Variants in KIR2DL1 observed in about 807,000 individuals in gnomAD.
KIR2DL1 encodes the protein killer cell immunoglobulin-like receptor 2DL1.
Under a neutral mutation model 33.9 loss-of-function variants are expected in KIR2DL1, and 38 were observed. The observed-to-expected ratio is 1.12, with a 90% CI of 0.86 to 1.47. The LOEUF (loss-of-function observed/expected upper bound fraction) is 1.47. Ranked by LOEUF, KIR2DL1 falls within the 40% of genes most tolerant of loss-of-function variation. The probability of loss-of-function intolerance (pLI) is 0.00; values close to 1 mark genes in which losing one functional copy is unlikely to be tolerated. For missense variants in KIR2DL1, 531 were observed against 433.9 expected (o/e 1.22, Z -1.99); for synonymous variants, 179 against 165.9 (o/e 1.08, Z -0.61).
chr19:54,773,352 C>G lies in KIR2DL1; in HGVS notation c.90C>G (p.Ser30=), dbSNP rs766031281. 1 of 1,598,782 alleles carries G rather than the reference C, an allele frequency of 6.3e-7. No individual in the cohort carries two copies. The highest frequency in any genetic ancestry group is 1.7e-5 in the Admixed American group (1 of 58,870). ...WPHEGVHRKP[S]LLAHPGRLVK... ...TCCTAGGAGTCCACAGAAAACCTTC[C>G]CTCCTGGCCCACCCAGGTCGCCTGG... is the stretch of plus-strand genomic sequence containing the variant. Residue 30 remains serine, a synonymous_variant, in exon 3 of 8, where the codon TCC becomes TCG. Transcript: ENST00000336077.
At chr19:54,779,202 A>C (rs1165701211) in intron 5 of KIR2DL1, among the ~76,000 whole-genome samples, 1 of 147,564 alleles carries the variant, frequency 6.8e-6, no homozygotes, top group African/African-American at 2.5e-5. Flanking sequence ...ACCTTTTCCT[A>C]TTGTTGCCAT....
rs111263060 is a variant in KIR2DL1 at position 54,770,730 on chromosome 19, G to A, written c.35-119G>A. ...TTCTTGGGTGCAGGTAGGCACTGAG[G>A]GTGAGTTTACCTTCAGCCCAGGAAG... On this transcript the variant is annotated intron_variant, in intron 1 of 7. Transcript: ENST00000336077. 3,754 of 1,396,946 alleles carry A rather than the reference G, an allele frequency of 2.7e-3. 265 individuals are homozygous for A. The African/African-American group carries it at 0.047, about 18-fold the overall frequency. The allele number at this position is 1,396,946 out of a possible 1,614,324, so 86.5% of individuals were successfully genotyped here. A position where few individuals can be genotyped will look rare whatever the true frequency, so the allele number is the denominator to read the frequency against.
chr19:54,780,019 C>G (rs2076772835), intron 5 of KIR2DL1: 1 of 412,158 alleles, frequency 2.4e-6, no homozygotes, highest in Non-Finnish European at 4.4e-6. Context: ...CTGCCTCCGC[C>G]TCTCGAGTAG....
intron 5 of KIR2DL1, among the ~76,000 whole-genome samples, chr19:54,781,669 T>G (rs1429889455): frequency 6.6e-6 from 1 of 152,084 alleles, no homozygotes; most frequent in Middle Eastern, 3.4e-3. Context: ...GCCTCTCGGG[T>G]AGAACAGCAG....
At position 54,775,954 on chromosome 19, in the gene KIR2DL1, C is replaced by A. The variant is rs62121644; in HGVS notation, c.664+496C>A. Among the ~76,000 whole-genome samples, 482 of 146,530 alleles carry A rather than the reference C, an allele frequency of 3.3e-3. 45 individuals are homozygous for A. Among genetic ancestry groups the A allele is most frequent in the Middle Eastern group, 6.9e-3 (2 of 288 alleles). ...TCCCCTATGATGGAGTGCAGTGGCA[C>A]AATCTCAGCTCACTGCAACCTCCGC... On this transcript the variant is annotated intron_variant, in intron 4 of 7. Transcript: ENST00000336077.
intron 5 of KIR2DL1, among the ~76,000 whole-genome samples, chr19:54,781,693 T>C (rs1275809225): frequency 1.3e-5 from 2 of 152,054 alleles, no homozygotes; most frequent in Non-Finnish European, 2.9e-5. Flanking sequence ...AATATGTGTC[T>C]CCCGAGATCA....
At chr19:54,782,854 A>C (rs2984193) in intron 5 of KIR2DL1, 68 bp from the exon 6 acceptor site, 1 of 1,546,970 alleles carries the variant, frequency 6.5e-7, no homozygotes, top group Non-Finnish European at 8.9e-7. Flanking sequence ...TCAATCAAGA[A>C]ATGCGAGACA....
chr19:54,773,085 G>C (rs1202211139), intron 2 of KIR2DL1, among the ~76,000 whole-genome samples: 13 of 147,902 alleles, frequency 8.8e-5, no homozygotes, highest in South Asian at 2.1e-4. Context: ...AGATACAACA[G>C]CCCAAGAGAT....
chr19:54,775,825 C>G lies in KIR2DL1; in HGVS notation c.664+367C>G, dbSNP rs1290608943. 6.7e-5 allele frequency among the ~76,000 whole-genome samples: 10 copies of G among 149,022 alleles called. 1 individual carries two copies. Among genetic ancestry groups the G allele is most frequent in the Non-Finnish European group, 1.5e-5 (1 of 66,340 alleles). The stretch of plus-strand genomic sequence containing the variant: ...ACACAGAGATGTCATCACCAGCAAC[C>G]CCTACACCCTTTACTTTTCTTTGAA... On this transcript the variant is annotated intron_variant, in intron 4 of 7. Transcript: ENST00000336077.
At chr19:54,778,364 A>G (rs79329183) in intron 4 of KIR2DL1, among the ~76,000 whole-genome samples, 12,845 of 113,068 alleles carry the variant, frequency 0.11, 74 homozygotes, top group Middle Eastern at 0.16. Flanking sequence ...ATGTCATGCT[A>G]TTTTGCTTAC....
At position 54,775,364 on chromosome 19, in the gene KIR2DL1, C is replaced by A; in HGVS notation, c.570C>A (p.Ala190=). 6.3e-7 allele frequency: 1 copy of A among 1,582,890 alleles called. No homozygotes were observed. Among genetic ancestry groups the A allele is most frequent in the Non-Finnish European group, 8.7e-7 (1 of 1,155,084 alleles). ...AGGCTGACTTTCCTCTGGGCCCTGCCACCCACGGAGGGACCTACAGATGCT... is the reference window on the plus strand; with the variant it reads ...AGGCTGACTTTCCTCTGGGCCCTGCAACCCACGGAGGGACCTACAGATGCT... ...TFQADFPLGP[A]THGGTYRCFG... is the part of the protein sequence containing the mutation. The change falls in exon 4 of 8, where the codon GCC becomes GCA. Residue 190 remains alanine, a synonymous_variant. Transcript: ENST00000336077.
rs2076113261 is a variant in KIR2DL1, at chr19:54,774,588, C to CATTG, written c.371-574_371-573insGATT. 2.0e-5 allele frequency among the ~76,000 whole-genome samples: 3 copies of CATTG among 147,688 alleles called. No homozygotes were observed. In the Admixed American group the frequency reaches 2.1e-4, roughly 10 times the overall value. Reference sequence around the variant, plus strand: ...ATACATAGATGATGATTGATTGATTCATTAATAGATGAGACATAGAGATGA... The same window carrying CATTG: ...ATACATAGATGATGATTGATTGATTCATTGATTAATAGATGAGACATAGAGATGA... On this transcript the variant is annotated intron_variant, in intron 3 of 7. Coordinates refer to ENST00000336077, the MANE Select transcript of KIR2DL1 (RefSeq NM_014218.3).
chr19:54,775,243 G>C lies in KIR2DL1; in HGVS notation c.449G>C (p.Ser150Thr). The change falls in exon 4 of 8, where the codon AGC (serine) becomes ACC (threonine). Residue 150 changes from serine to threonine, a missense_variant. Physicochemically the swap from Ser to Thr is moderately conservative, Grantham distance 58 (BLOSUM62 1). Coordinates refer to ENST00000336077, the MANE Select transcript of KIR2DL1 (RefSeq NM_014218.3). Reference sequence around the variant, plus strand: ...GGAGAGAATGTGACCTTGTCCTGCAGCTCCCGGAGCTCCTATGACATGTAC... The same window carrying C: ...GGAGAGAATGTGACCTTGTCCTGCACCTCCCGGAGCTCCTATGACATGTAC... ...LAGENVTLSC[S>T]SRSSYDMYHL... 3 of 1,603,144 alleles carry C rather than the reference G, an allele frequency of 1.9e-6. No individual in the cohort carries two copies. The highest frequency in any genetic ancestry group is 2.6e-6 in the Non-Finnish European group (3 of 1,172,214).
chr19:54,773,548 G>A lies in KIR2DL1; in HGVS notation c.286G>A (p.Gly96Arg). Residue 96 changes from glycine to arginine, a missense_variant, in exon 3 of 8, where the codon GGG (glycine) becomes AGG (arginine). Transcript: ENST00000336077. ...SISRMTQDLAGTYRCYGSVTH... is the reference protein window; with the variant it reads ...SISRMTQDLARTYRCYGSVTH... ...CAGTCGCATGACGCAAGACCTGGCAGGGACCTACAGATGCTACGGTTCTGT... is the reference window on the plus strand; with the variant it reads ...CAGTCGCATGACGCAAGACCTGGCAAGGACCTACAGATGCTACGGTTCTGT... 6.3e-7 allele frequency: 1 copy of A among 1,582,970 alleles called. No individual in the cohort carries two copies.
In KIR2DL1 at chr19:54,782,965, C is replaced by A; in HGVS notation, c.759C>A (p.Val253=). The A allele has an allele frequency of 6.2e-7, 1 of 1,613,658 alleles. No individual in the cohort carries two copies. The highest frequency in any genetic ancestry group is 8.5e-7 in the Non-Finnish European group (1 of 1,179,866). Residue 253 remains valine (V), a synonymous_variant, in exon 6 of 8, where the codon GTC becomes GTA. Coordinates refer to ENST00000336077, the MANE Select transcript of KIR2DL1 (RefSeq NM_014218.3). ...HLHILIGTSV[V]IILFILLFFL... ...ACATTCTGATTGGGACCTCAGTGGT[C>A]ATCATCCTCTTCATCCTCCTCTTCT...
At chr19:54,778,466 A>G (rs201393069) in intron 4 of KIR2DL1, 146 bp from the exon 5 acceptor site, 1 of 811,830 alleles carries the variant, frequency 1.2e-6, no homozygotes, top group African/African-American at 1.9e-5. Flanking sequence ...GTGTCATATA[A>G]AAAAATTATG....
In KIR2DL1 at chr19:54,783,937, C is replaced by G; in HGVS notation, c.*124C>G. The G allele has an allele frequency of 2.2e-6, 3 of 1,374,294 alleles. No individual in the cohort carries two copies. The highest frequency in any genetic ancestry group is 3.1e-6 in the Non-Finnish European group (3 of 965,114). The allele number at this position is 1,374,294 out of a possible 1,614,324, so 85.1% of individuals were successfully genotyped here. On this transcript the variant is annotated 3_prime_UTR_variant, in exon 8 of 8. Transcript: ENST00000336077. ...GGCGTGAGTCTGCATCTTAGGGCAT[C>G]GATCTTCCTCACACCACAAATCTGA...
chr19:54,770,479 A>C (rs1380497996), intron 1 of KIR2DL1, among the ~76,000 whole-genome samples: 18 of 128,286 alleles, frequency 1.4e-4, no homozygotes, highest in East Asian at 2.3e-4. Context: ...GAGATATGGG[A>C]CTGGAGAGGA....
At chr19:54,770,059 A>C (rs2147387157) in intron 1 of KIR2DL1, among the ~76,000 whole-genome samples, 175 bp downstream of exon 1, 1 of 126,102 alleles carries the variant, frequency 7.9e-6, no homozygotes, top group East Asian at 2.2e-4. Flanking sequence ...CTGGGCCCAG[A>C]GGTCGAGATA....
Sources: gnomAD v4.1 joint callset for allele counts (sites outside exome capture counted in the v4.1 genomes callset) on GRCh38, gnomAD v4.1.1 for gene constraint, MANE v1.5 for transcripts, NCBI Gene and HGNC (gene_info 2026-07-23, HGNC 2026-07-21) for gene names.